FANCB: variants seen among roughly 807,000 people sequenced by gnomAD.
FANCB encodes the protein FA complementation group B.
A neutral mutation model predicts 38.9 loss-of-function variants in FANCB; 5 were observed. The observed-to-expected ratio is 0.13, with a 90% CI of 0.07 to 0.27. FANCB has a LOEUF of 0.27. FANCB is among the 10% of genes least tolerant of loss of function. The probability of loss-of-function intolerance (pLI) is 1.00; values close to 1 mark genes in which losing one functional copy is unlikely to be tolerated. For synonymous variants in FANCB, 236 were observed against 215.4 expected (o/e 1.10, Z -0.84); for missense variants, 573 against 602.7 (o/e 0.95, Z 0.52).
chrX:14,792,826 G>A, the FANCB span, among the ~76,000 whole-genome samples: 3 of 110,925 alleles, frequency 2.7e-5, no homozygotes, highest in African/African-American at 3.3e-5. Flanking sequence ...TGTATTTCAC[G>A]GTAGACAAGT....
chrX:14,867,125 T>C (rs1299922244), intron 2 of FANCB, among the ~76,000 whole-genome samples: 1 of 111,522 alleles, frequency 9.0e-6, no homozygotes, highest in African/African-American at 3.3e-5. Context: ...CATGGATTGG[T>C]AGAATTAATA....
Position 14,865,413 on chromosome X carries a change from G to C in FANCB, c.98C>G (p.Ala33Gly). Residue 33 changes from alanine to glycine, a missense_variant, in exon 3 of 10, where the codon GCA becomes GGA. Physicochemically the swap from Ala to Gly is moderately conservative, Grantham distance 60 (BLOSUM62 0). Coordinates refer to ENST00000650831, the MANE Select transcript of FANCB (RefSeq NM_001018113.3). Reference sequence around the variant, plus strand: ...GGGTGTTTTTGTAGGCTCTTTATCTGCAAAATTTCCTTTAGACAACTGGAA... The same window carrying C: ...GGGTGTTTTTGTAGGCTCTTTATCTCCAAAATTTCCTTTAGACAACTGGAA... ...LVFQLSKGNF[A>G]DKEPTKTPIL... 1 of 1,207,976 alleles carries C rather than the reference G, an allele frequency of 8.3e-7. No individual in the cohort carries two copies. Among genetic ancestry groups the C allele is most frequent in the Non-Finnish European group, 1.1e-6 (1 of 892,731 alleles).
At chrX:14,690,008 AT>A in the FANCB span, among the ~76,000 whole-genome samples, 2 of 111,865 alleles carry the variant, frequency 1.8e-5, no homozygotes, top group Non-Finnish European at 3.8e-5. Context: ...TATTCCTCAT[AT>A]TTTACTTTGG....
the FANCB span, among the ~76,000 whole-genome samples, chrX:14,699,514 A>T: frequency 8.9e-6 from 1 of 112,475 alleles, no homozygotes; most frequent in Non-Finnish European, 1.9e-5. Context: ...AAGGTTTTAT[A>T]CATTGTATTA....
chrX:14,859,278 A>T lies in FANCB; in HGVS notation c.1008T>A (p.Ser336Arg), dbSNP rs2147429086. ...AAAGTAGGAGTACTTGTTCAGTTCC[A>T]CTTCCAATAAAGTCATCTATCAGTA... ...SLVLIDDFIGSGTEQVLLLFK... is the reference protein window; with the variant it reads ...SLVLIDDFIGRGTEQVLLLFK... Residue 336 changes from serine (S) to arginine (R), a missense_variant, in exon 4 of 10, where the codon AGT (serine) becomes AGA (arginine). Coordinates refer to ENST00000650831, the MANE Select transcript of FANCB (RefSeq NM_001018113.3). The T allele has an allele frequency of 8.4e-7, 1 of 1,186,751 alleles. No individual in the cohort carries two copies. The highest frequency in any genetic ancestry group is 1.1e-6 in the Non-Finnish European group (1 of 873,020).
Position 14,843,972 on chromosome X carries a change from T to C in FANCB, c.2175A>G (p.Thr725=). 1 of 1,205,172 alleles carries C rather than the reference T, an allele frequency of 8.3e-7. No homozygotes were observed. The highest frequency in any genetic ancestry group is 1.1e-6 in the Non-Finnish European group (1 of 890,489). Residue 725 remains threonine (T), a synonymous_variant, in exon 10 of 10, where the codon ACA becomes ACG. Transcript: ENST00000650831. The part of the protein sequence containing the change: ...GILIIYSRNQ[T]VMFQCLHNLI... ...GATTATGAAGGCACTGGAACATAAC[T>C]GTTTGATTCCTAAAATAAAAAAACA...
At chrX:14,718,500 T>C in the FANCB span, among the ~76,000 whole-genome samples, 1 of 112,330 alleles carries the variant, frequency 8.9e-6, no homozygotes, top group Non-Finnish European at 1.9e-5. Flanking sequence ...AACAACCATC[T>C]TACTATGCTC....
chrX:14,755,719 A>G, the FANCB span, among the ~76,000 whole-genome samples: 82 of 111,583 alleles, frequency 7.3e-4, no homozygotes, highest in Admixed American at 1.4e-3. Flanking sequence ...TAAAGTGACC[A>G]TACTACCCAT....
the FANCB span, among the ~76,000 whole-genome samples, chrX:14,790,595 T>C: frequency 8.9e-6 from 1 of 112,268 alleles, no homozygotes; most frequent in Non-Finnish European, 1.9e-5. Flanking sequence ...TTTCATATCA[T>C]AACTTCAGGT....
At chrX:14,730,889 TATACACACACACACAC>T in the FANCB span, 1 of 129,802 alleles carries the variant, frequency 7.7e-6, no homozygotes, top group South Asian at 1.8e-4. Flanking sequence ...AAAAGTTAGC[TATACACACACACACAC>T]ACACACACAC....
At chrX:14,841,660 G>A (rs1272415334), downstream of FANCB, among the ~76,000 whole-genome samples, 2 of 111,871 alleles carry the variant, frequency 1.8e-5, no homozygotes, top group African/African-American at 3.3e-5. Context: ...TTGGCAGAGT[G>A]GATTTGGGAG....
rs578116475 is a variant in FANCB at position 14,860,814 on chromosome X, A to C, written c.952-1480T>G. ...GACAGCACAGCACCAGAATACATTA[A>C]CCTCTATCAACAACACACCAATAGC... On this transcript the variant is annotated intron_variant, in intron 3 of 9. Transcript: ENST00000650831. 1.9e-4 allele frequency among the ~76,000 whole-genome samples: 21 copies of C among 111,501 alleles called. No homozygotes were observed. The South Asian group carries it at 7.5e-3, about 40-fold the overall frequency.
chrX:14,782,108 G>C, the FANCB span, among the ~76,000 whole-genome samples: 2 of 112,340 alleles, frequency 1.8e-5, no homozygotes, highest in Non-Finnish European at 3.8e-5. Flanking sequence ...CAAAGGATGA[G>C]TCCTAACAAC....
At chrX:14,766,874 T>C in the FANCB span, among the ~76,000 whole-genome samples, 15 of 110,525 alleles carry the variant, frequency 1.4e-4, 1 homozygote, top group African/African-American at 5.0e-4. Flanking sequence ...CTAATGTGTG[T>C]TGTTCCCCAT....
At chrX:14,723,843 T>C in the FANCB span, among the ~76,000 whole-genome samples, 1 of 112,479 alleles carries the variant, frequency 8.9e-6, no homozygotes. Context: ...TAAGCTCTCA[T>C]AGCATCTTAT....
intron 5 of FANCB, among the ~76,000 whole-genome samples, chrX:14,856,211 T>C (rs2092422593): frequency 8.9e-6 from 1 of 111,861 alleles, no homozygotes; most frequent in Non-Finnish European, 1.9e-5. Flanking sequence ...AGTTTATAAA[T>C]ACTACATAAA....
the FANCB span, among the ~76,000 whole-genome samples, chrX:14,792,658 T>C: frequency 1.1e-4 from 12 of 112,140 alleles, no homozygotes; most frequent in Non-Finnish European, 2.3e-4. Context: ...AAAGAAAATG[T>C]GCCATATTTA....
At chrX:14,870,819 C>T (rs1418444653) in intron 1 of FANCB, among the ~76,000 whole-genome samples, 1 of 111,188 alleles carries the variant, frequency 9.0e-6, no homozygotes, top group Non-Finnish European at 1.9e-5. Flanking sequence ...CAGATGACAT[C>T]CAAAAAGTCT....
At chrX:14,849,305 G>A (rs2092390848) in intron 7 of FANCB, among the ~76,000 whole-genome samples, 1 of 111,266 alleles carries the variant, frequency 9.0e-6, no homozygotes. Flanking sequence ...GAAGAGAGAA[G>A]AAAAACCCAG....
Sources: allele counts gnomAD v4.1 joint callset (sites outside exome capture counted in the v4.1 genomes callset), GRCh38; gene constraint gnomAD v4.1.1; transcripts MANE v1.5; gene names NCBI Gene and HGNC (gene_info 2026-07-23, HGNC 2026-07-21).